Variants in BBX observed in about 807,000 individuals in gnomAD.
BBX encodes the protein BBX high mobility group box domain containing, also known as HMG box transcription factor BBX.
In BBX, 30 loss-of-function variants were observed where a neutral mutation model predicts 100.2. That is an observed-to-expected ratio of 0.30 (90% CI 0.22 to 0.41). BBX has a LOEUF of 0.41. Ranked by LOEUF, BBX falls within the 10% of genes least tolerant of loss-of-function variation. The probability of loss-of-function intolerance (pLI) is 1.00; values close to 1 mark genes in which losing one functional copy is unlikely to be tolerated. For synonymous variants in BBX, 376 were observed against 388.1 expected (o/e 0.97, Z 0.37); for missense variants, 1,023 against 1,129.8 (o/e 0.91, Z 1.35).
rs372327286 is a variant in BBX at position 107,697,569 on chromosome 3, C to T, written c.-9-12883C>T. ...GTCTGCCCGTTCTCAGATCTCCAGCCGCGTGCTGGGAGAACCGCTGCTCTC... is the reference window on the plus strand; with the variant it reads ...GTCTGCCCGTTCTCAGATCTCCAGCTGCGTGCTGGGAGAACCGCTGCTCTC... On this transcript the variant is annotated intron_variant, in intron 3 of 17. Coordinates refer to ENST00000325805, the MANE Select transcript of BBX (RefSeq NM_001142568.3). 2.1e-4 allele frequency among the ~76,000 whole-genome samples: 32 copies of T among 151,916 alleles called. 1 individual carries two copies. Among genetic ancestry groups the T allele is most frequent in the African/African-American group, 5.8e-4 (24 of 41,208 alleles).
intron 2 of BBX, among the ~76,000 whole-genome samples, chr3:107,625,822 T>C (rs1464714877): frequency 6.6e-6 from 1 of 152,218 alleles, no homozygotes; most frequent in East Asian, 1.9e-4. Context: ...TTTTATTTTA[T>C]ATGTAATTTC....
chr3:107,582,383 A>G (rs978217714), intron 2 of BBX, among the ~76,000 whole-genome samples: 1 of 151,934 alleles, frequency 6.6e-6, no homozygotes, highest in Non-Finnish European at 1.5e-5. Flanking sequence ...TTTTTTAATA[A>G]CTGATTTTTT....
chr3:107,726,966 AT>A (rs1332113916), intron 5 of BBX, among the ~76,000 whole-genome samples: 1 of 152,022 alleles, frequency 6.6e-6, no homozygotes, highest in Non-Finnish European at 1.5e-5. Flanking sequence ...CCCATTGTAA[AT>A]TAGTTTAAGC....
At chr3:107,804,324 C>T (rs72943051) in intron 17 of BBX, among the ~76,000 whole-genome samples, 2,191 of 152,222 alleles carry the variant, frequency 0.014, 44 homozygotes, top group African/African-American at 0.05. Flanking sequence ...GAAGAAGATA[C>T]GATTTTGAAA....
At chr3:107,625,562 A>G (rs2056106950) in intron 2 of BBX, among the ~76,000 whole-genome samples, 2 of 152,170 alleles carry the variant, frequency 1.3e-5, no homozygotes, top group African/African-American at 2.4e-5. Context: ...GTGATTACAG[A>G]TGGGAGCCAC....
chr3:107,757,541 T>A (rs2065579040), intron 10 of BBX, among the ~76,000 whole-genome samples: 1 of 152,126 alleles, frequency 6.6e-6, no homozygotes, highest in Non-Finnish European at 1.5e-5. Flanking sequence ...TTAAACAGAA[T>A]CCCTAAAAAA....
rs767311080 is a variant in BBX, at chr3:107,748,046, C to T, written c.825+7C>T. On this transcript the variant is annotated splice_region_variant and intron_variant, in intron 9 of 17. Transcript: ENST00000325805. ...CTTGTTTCAGTTTGCAGAGGTATGG[C>T]CTTTTTAAAATGCTTTTTAGGCTAA... 6.2e-7 allele frequency: 1 copy of T among 1,609,306 alleles called. No individual in the cohort carries two copies. Among genetic ancestry groups the T allele is most frequent in the Admixed American group, 1.7e-5 (1 of 59,570 alleles).
intron 2 of BBX, among the ~76,000 whole-genome samples, chr3:107,527,523 C>A (rs1576171408): frequency 1.3e-5 from 2 of 152,064 alleles, no homozygotes; most frequent in Admixed American, 6.5e-5. Flanking sequence ...CTGGTAGTGT[C>A]CATTTGGTAA....
At chr3:107,707,529 C>A (rs2061461366) in intron 3 of BBX, among the ~76,000 whole-genome samples, 1 of 152,034 alleles carries the variant, frequency 6.6e-6, no homozygotes, top group African/African-American at 2.4e-5. Context: ...AAAGGCCTAG[C>A]AATGGAGGTA....
At chr3:107,805,264 A>G in intron 17 of BBX, 106 bp from the exon 18 acceptor site, 1 of 1,007,818 alleles carries the variant, frequency 9.9e-7, no homozygotes, top group Non-Finnish European at 1.4e-6. Flanking sequence ...AAGTAACAGC[A>G]GTAACTGTTA....
chr3:107,621,950 G>T (rs775099191), intron 2 of BBX, among the ~76,000 whole-genome samples: 6 of 151,916 alleles, frequency 3.9e-5, no homozygotes, highest in Non-Finnish European at 8.8e-5. Context: ...TTAATTTTTC[G>T]ATTACCAGCA....
chr3:107,592,012 T>C (rs1187645703), intron 2 of BBX, among the ~76,000 whole-genome samples: 1 of 152,232 alleles, frequency 6.6e-6, no homozygotes, highest in East Asian at 1.9e-4. Context: ...TATTTTTGAA[T>C]ATTTTTGGCA....
chr3:107,614,130 T>G (rs1406129910), intron 2 of BBX, among the ~76,000 whole-genome samples: 4 of 152,018 alleles, frequency 2.6e-5, no homozygotes, highest in Non-Finnish European at 5.9e-5. Flanking sequence ...TTTTGTATTT[T>G]TAGTTGAGAC....
chr3:107,737,304 CAGAGAGAGAGAG>C (rs10575069), intron 7 of BBX, among the ~76,000 whole-genome samples: 3 of 142,808 alleles, frequency 2.1e-5, no homozygotes, highest in South Asian at 4.4e-4. Flanking sequence ...TACATACACA[CAGAGAGAGAGAG>C]AGAGAGAGAG....
chr3:107,578,981 A>G (rs2052045396), intron 2 of BBX, among the ~76,000 whole-genome samples: 1 of 152,142 alleles, frequency 6.6e-6, no homozygotes, highest in African/African-American at 2.4e-5. Context: ...TGGCCCACTA[A>G]AGATTTTATA....
At chr3:107,552,662 G>A (rs1204594452) in intron 2 of BBX, among the ~76,000 whole-genome samples, 1 of 152,106 alleles carries the variant, frequency 6.6e-6, no homozygotes, top group Non-Finnish European at 1.5e-5. Flanking sequence ...AAGTAAAATT[G>A]TATTTTAAAA....
intron 14 of BBX, 33 bp from the exon 15 acceptor site, chr3:107,791,207 C>T (rs1419298298): frequency 1.3e-6 from 2 of 1,591,766 alleles, no homozygotes; most frequent in East Asian, 2.2e-5. Flanking sequence ...AGTAGAGTTT[C>T]ACTTTTCTTT....
chr3:107,759,035 A>G (rs532072039), intron 10 of BBX, among the ~76,000 whole-genome samples: 56 of 152,158 alleles, frequency 3.7e-4, no homozygotes, highest in Non-Finnish European at 6.8e-4. Context: ...TTTGGGGCAT[A>G]TATTTACTGC....
chr3:107,747,934 T>C (rs368888049), intron 8 of BBX, 31 bp from the exon 9 acceptor site: 13 of 1,559,268 alleles, frequency 8.3e-6, no homozygotes, highest in Non-Finnish European at 1.1e-5. Flanking sequence ...AAAATGTCAT[T>C]GTATATTAAA....
Sources: gnomAD v4.1 joint callset for allele counts (sites outside exome capture counted in the v4.1 genomes callset) on GRCh38, gnomAD v4.1.1 for gene constraint, MANE v1.5 for transcripts, NCBI Gene and HGNC (gene_info 2026-07-23, HGNC 2026-07-21) for gene names.